COMMD6: variants seen among roughly 807,000 people sequenced by gnomAD.
The protein encoded by COMMD6 is COMM domain-containing protein 6.
In COMMD6, 11 loss-of-function variants were observed where a neutral mutation model predicts 13.4. The observed-to-expected ratio is 0.82, with a 90% CI of 0.52 to 1.36. The LOEUF is 1.36. Among genes scored for constraint, COMMD6 ranks in the 40% most tolerant of loss-of-function variants. The pLI, the probability that COMMD6 is intolerant of heterozygous loss-of-function variation, is 0.00. For missense variants in COMMD6, 124 were observed against 102.4 expected (o/e 1.21, Z -0.91); for synonymous variants, 43 against 36.5 (o/e 1.18, Z -0.64).
upstream of COMMD6, among the ~76,000 whole-genome samples, chr13:75,538,141 T>G (rs145215472): frequency 7.1e-3 from 1,075 of 152,324 alleles, 10 homozygotes; most frequent in African/African-American, 0.023. Flanking sequence ...AGCATCCCGC[T>G]GCGCGGCTCC....
chr13:75,543,787 A>G (rs1368777533), upstream of COMMD6, among the ~76,000 whole-genome samples: 1 of 152,206 alleles, frequency 6.6e-6, no homozygotes, highest in African/African-American at 2.4e-5. Flanking sequence ...AAGTGCTGAT[A>G]AATCCTAGAT....
rs955557386 is a variant in COMMD6, at chr13:75,526,640, C to A, written c.208-1G>T. ...TTTCCTTGAACTGTCTGTAGAAATT[C>A]TGGAGAGAAAGGGGGAAAATAATAT... On this transcript the variant is annotated splice_acceptor_variant, in intron 3 of 3. Coordinates refer to ENST00000682242, the MANE Select transcript of COMMD6 (RefSeq NM_203495.4). LOFTEE classifies it high-confidence loss of function. 1 of 1,598,486 alleles carries A rather than the reference C, an allele frequency of 6.3e-7. No individual in the cohort carries two copies. The highest frequency in any genetic ancestry group is 8.6e-7 in the Non-Finnish European group (1 of 1,169,484).
intron 1 of COMMD6, among the ~76,000 whole-genome samples, chr13:75,544,926 CAAAAA>C (rs10708731): frequency 9.6e-6 from 1 of 104,550 alleles, no homozygotes; most frequent in Non-Finnish European, 1.9e-5. Context: ...ACTCTGTCTC[CAAAAA>C]AAAAAAAAAA....
intron 3 of COMMD6, chr13:75,527,856 G>T: frequency 6.7e-7 from 1 of 1,502,132 alleles, no homozygotes; most frequent in Non-Finnish European, 8.9e-7. Context: ...CTGAGGCTGG[G>T]GGTCAATGGG....
chr13:75,547,298 A>G (rs73223960), intron 1 of COMMD6, among the ~76,000 whole-genome samples: 78 of 152,308 alleles, frequency 5.1e-4, no homozygotes, highest in Non-Finnish European at 8.1e-4. Context: ...ACCTTGCTCA[A>G]CCTTGGCTGG....
chr13:75,527,997 C>A, intron 3 of COMMD6: 2 of 622,288 alleles, frequency 3.2e-6, no homozygotes, highest in East Asian at 3.9e-5. Context: ...TTTACATGCC[C>A]TCAGCACACA....
chr13:75,544,974 T>C (rs1479077669), intron 1 of COMMD6, among the ~76,000 whole-genome samples: 2 of 147,192 alleles, frequency 1.4e-5, no homozygotes, highest in African/African-American at 2.5e-5. Context: ...GTAAAGTGCC[T>C]GGTTTAGAGA....
At position 75,529,324 on chromosome 13, in the gene COMMD6, T is replaced by C. The variant is rs545794399; in HGVS notation, c.207+790A>G. Among the ~76,000 whole-genome samples the C allele has an allele frequency of 2.0e-5, 3 of 152,098 alleles. 1 individual carries two copies. The South Asian group carries it at 6.2e-4, about 32-fold the overall frequency. ...TCACAAGGTCAGGAGATCGAGACCA[T>C]CCTGGCTAACATGGTGAAACCCCAT... is the stretch of plus-strand genomic sequence containing the variant. On this transcript the variant is annotated intron_variant, in intron 3 of 3. Transcript: ENST00000682242.
chr13:75,528,814 T>C (rs1181395670), intron 3 of COMMD6, among the ~76,000 whole-genome samples: 1 of 150,732 alleles, frequency 6.6e-6, no homozygotes, highest in East Asian at 1.9e-4. Context: ...TGCACTGCAA[T>C]TGCATCCAGC....
At chr13:75,537,880 C>T (rs546173941), upstream of COMMD6, 65 of 1,473,072 alleles carry the variant, frequency 4.4e-5, no homozygotes, top group Admixed American at 1.4e-3. Flanking sequence ...CACGTCCTGC[C>T]CCTAGCGGCC....
intron 3 of COMMD6, among the ~76,000 whole-genome samples, chr13:75,526,931 AC>A (rs2030284304): frequency 6.6e-6 from 1 of 152,188 alleles, no homozygotes; most frequent in African/African-American, 2.4e-5. Flanking sequence ...TGTCCTAGAC[AC>A]TGAAAATAAA....
At position 75,526,521 on chromosome 13, in the gene COMMD6, G is replaced by GT; in HGVS notation, c.*67dup. 1 of 1,054,050 alleles carries GT rather than the reference G, an allele frequency of 9.5e-7. No individual in the cohort carries two copies. The highest frequency in any genetic ancestry group is 1.4e-6 in the Non-Finnish European group (1 of 716,116). The allele number at this position is 1,054,050 out of a possible 1,614,324, so 65.3% of individuals were successfully genotyped here. On this transcript the variant is annotated 3_prime_UTR_variant, in exon 4 of 4. Transcript: ENST00000682242. ...TCAATAAATGTTCCATCCTTATTTA[G>GT]TTTTGTTGCCGAAAGTGAAGTCCAT...
intron 3 of COMMD6, among the ~76,000 whole-genome samples, chr13:75,529,205 A>C (rs2030375023): frequency 6.6e-6 from 1 of 152,128 alleles, no homozygotes; most frequent in Non-Finnish European, 1.5e-5. Flanking sequence ...TTAATGACAA[A>C]ACATCTCCAG....
intron 1 of COMMD6, among the ~76,000 whole-genome samples, chr13:75,544,316 C>T (rs1254181776): frequency 1.3e-5 from 2 of 152,170 alleles, no homozygotes; most frequent in Non-Finnish European, 2.9e-5. Context: ...TCAGAAACTC[C>T]GAATGAGAAT....
chr13:75,537,434 A>T, intron 2 of COMMD6: 1 of 1,551,346 alleles, frequency 6.4e-7, no homozygotes, highest in Admixed American at 2.0e-5. Context: ...ACAATCCTTG[A>T]TCTGCATTCT....
chr13:75,538,356 TGTC>T (rs2030756305), upstream of COMMD6, among the ~76,000 whole-genome samples: 1 of 152,272 alleles, frequency 6.6e-6, no homozygotes, highest in Non-Finnish European at 1.5e-5. Flanking sequence ...CTTCCCATCT[TGTC>T]TTCCCACCTC....
chr13:75,547,424 A>T (rs2030921331), intron 1 of COMMD6, among the ~76,000 whole-genome samples: 1 of 152,180 alleles, frequency 6.6e-6, no homozygotes, highest in Non-Finnish European at 1.5e-5. Context: ...AAAATGCAAA[A>T]CCCATAAATA....
At position 75,537,379 on chromosome 13, in the gene COMMD6, T is replaced by C. The variant is rs542296011; in HGVS notation, c.54+285A>G. The stretch of plus-strand genomic sequence containing the variant: ...AACTTCTTTATCCAACACTTTAAAA[T>C]ACCGTGTTCCTGGCTTCGAATAACT... On this transcript the variant is annotated intron_variant, in intron 2 of 3. Coordinates refer to ENST00000682242, the MANE Select transcript of COMMD6 (RefSeq NM_203495.4). 5.1e-5 allele frequency: 79 copies of C among 1,550,986 alleles called. No individual in the cohort carries two copies. In the South Asian group the frequency reaches 8.3e-4, roughly 16 times the overall value.
intron 1 of COMMD6, among the ~76,000 whole-genome samples, chr13:75,544,673 G>C (rs975108983): frequency 3.3e-5 from 5 of 152,172 alleles, no homozygotes; most frequent in African/African-American, 9.7e-5. Context: ...TGAGACAGGA[G>C]AATCACTTGA....
Sources: allele counts gnomAD v4.1 joint callset (sites outside exome capture counted in the v4.1 genomes callset), GRCh38; gene constraint gnomAD v4.1.1; transcripts MANE v1.5; gene names NCBI Gene and HGNC (gene_info 2026-07-23, HGNC 2026-07-21).